OPN3: variants seen among roughly 807,000 people sequenced by gnomAD.
The protein encoded by OPN3 is opsin-3.
OPN3 carries 29 observed loss-of-function variants against 33.8 expected under a neutral mutation model. That is an observed-to-expected ratio of 0.86 (90% CI 0.64 to 1.17). The LOEUF (loss-of-function observed/expected upper bound fraction) is 1.17, where lower values mean the gene tolerates loss of function less well. OPN3 is among the 50% of genes most tolerant of loss of function. The pLI is 0.00. For missense variants in OPN3, 437 were observed against 514.1 expected, an observed-to-expected ratio of 0.85 and a Z score of 1.45; for synonymous variants, 216 against 216.1, an observed-to-expected ratio of 1.00 and a Z score of 0.00.
intron 1 of OPN3, chr1:241,628,856 T>G (rs918146150): frequency 1.3e-5 from 2 of 152,542 alleles, no homozygotes; most frequent in African/African-American, 4.8e-5. Context: ...ACCAGTTCAG[T>G]AAACCACTTT....
At chr1:241,635,189 T>A in intron 1 of OPN3, 1 of 1,613,180 alleles carries the variant, frequency 6.2e-7, no homozygotes, top group Non-Finnish European at 8.5e-7. Context: ...TCCATCTTTA[T>A]CTGAAACTGT....
intron 1 of OPN3, among the ~76,000 whole-genome samples, chr1:241,615,452 A>G (rs1441453572): frequency 1.3e-5 from 2 of 152,006 alleles, no homozygotes; most frequent in Non-Finnish European, 2.9e-5. Flanking sequence ...CACTTTAGGA[A>G]CACATTGTTT....
intron 2 of OPN3, chr1:241,600,980 G>A (rs1215041447): frequency 6.6e-6 from 1 of 152,168 alleles, no homozygotes; most frequent in Non-Finnish European, 1.5e-5. Context: ...GGTTCTGAGG[G>A]TGGGTTAGAG....
Position 241,640,153 on chromosome 1 carries a change from G to C in OPN3, c.102C>G (p.Pro34=). The change falls in exon 1 of 4, where the codon CCC becomes CCG. Residue 34 remains proline, a synonymous_variant. Transcript: ENST00000366554. ...GCTCGTAGGTGCCGGGGCTGAAGAG[G>C]GGCGCGGGGCTCAGTGTCCCCGCCG... ...PAPAGTLSPA[P]LFSPGTYERL... The C allele has an allele frequency of 6.6e-7, 1 of 1,525,218 alleles. No homozygotes were observed. The highest frequency in any genetic ancestry group is 8.8e-7 in the Non-Finnish European group (1 of 1,139,188). The allele number at this position is 1,525,218 out of a possible 1,614,324, so 94.5% of individuals were successfully genotyped here. A position where few individuals can be genotyped will look rare whatever the true frequency, so the allele number is the denominator to read the frequency against.
chr1:241,597,705 T>C, intron 3 of OPN3, 41 bp downstream of exon 3: 1 of 1,595,872 alleles, frequency 6.3e-7, no homozygotes, highest in Non-Finnish European at 8.6e-7. Flanking sequence ...TTTCCAACTC[T>C]ATGCCCAGGG....
chr1:241,614,457 A>G (rs1371735848), intron 1 of OPN3, among the ~76,000 whole-genome samples: 1 of 152,150 alleles, frequency 6.6e-6, no homozygotes, highest in Non-Finnish European at 1.5e-5. Context: ...TTTCTATTAA[A>G]TTTAGTGACT....
intron 1 of OPN3, among the ~76,000 whole-genome samples, chr1:241,623,146 G>A (rs1338702763): frequency 6.6e-6 from 1 of 151,958 alleles, no homozygotes; most frequent in Non-Finnish European, 1.5e-5. Flanking sequence ...GACTAATCCA[G>A]GGGTGGGAGT....
At position 241,625,071 on chromosome 1, in the gene OPN3, G is replaced by A. The variant is rs1664379215; in HGVS notation, c.373+14811C>T. On this transcript the variant is annotated intron_variant, in intron 1 of 3. Transcript: ENST00000366554. Reference sequence around the variant, plus strand: ...AGTCTAGCACAGAAACTGGGACACGGTTCATGCTCAATAAATATTACATTG... The same window carrying A: ...AGTCTAGCACAGAAACTGGGACACGATTCATGCTCAATAAATATTACATTG... Among the ~76,000 whole-genome samples the A allele has an allele frequency of 2.0e-5, 3 of 152,310 alleles. No homozygotes were observed. The South Asian group carries it at 6.2e-4, about 32-fold the overall frequency.
Position 241,594,285 on chromosome 1 carries a change from G to T in OPN3, c.*143C>A. The stretch of plus-strand genomic sequence containing the variant: ...TTCAACCTCTTCCTGAGGCCCAAGA[G>T]CATATGGGCAATTCGGATTTCCTGC... On this transcript the variant is annotated 3_prime_UTR_variant, in exon 4 of 4. Transcript: ENST00000366554. 2 of 878,384 alleles carry T rather than the reference G, an allele frequency of 2.3e-6. No homozygotes were observed. The highest frequency in any genetic ancestry group is 3.5e-6 in the Non-Finnish European group (2 of 574,348). The allele number at this position is 878,384 out of a possible 1,614,324, so 54.4% of individuals were successfully genotyped here. A position where few individuals can be genotyped will look rare whatever the true frequency, so the allele number is the denominator to read the frequency against.
intron 1 of OPN3, among the ~76,000 whole-genome samples, chr1:241,625,655 G>C (rs1664399024): frequency 6.6e-6 from 1 of 152,176 alleles, no homozygotes; most frequent in Non-Finnish European, 1.5e-5. Context: ...ATTGGCGAGG[G>C]AAGGTAGCGG....
Position 241,593,735 on chromosome 1 carries a change from C to G in OPN3, c.*693G>C, listed in dbSNP as rs1446652911. 1.3e-5 allele frequency: 2 copies of G among 154,648 alleles called. No homozygotes were observed. The highest frequency in any genetic ancestry group is 4.8e-5 in the African/African-American group (2 of 41,436). The allele number at this position is 154,648 out of a possible 1,614,324, so 9.6% of individuals were successfully genotyped here. A position where few individuals can be genotyped will look rare whatever the true frequency, so the allele number is the denominator to read the frequency against. On this transcript the variant is annotated 3_prime_UTR_variant, in exon 4 of 4. Transcript: ENST00000366554. The stretch of plus-strand genomic sequence containing the variant: ...TGGCTTATATAGCATCGACAAAGAA[C>G]AGTAAATTTTTAGAGAAACAACAAA...
Position 241,594,401 on chromosome 1 carries a change from C to G in OPN3, c.*27G>C. On this transcript the variant is annotated 3_prime_UTR_variant, in exon 4 of 4. Coordinates refer to ENST00000366554, the MANE Select transcript of OPN3 (RefSeq NM_014322.3). ...CCAAAAGTGGCATCCAATTTAAGGC[C>G]CCATCTTTCGTTGCCATTCTTCATT... The G allele has an allele frequency of 2.5e-6, 4 of 1,601,066 alleles. No individual in the cohort carries two copies. The highest frequency in any genetic ancestry group is 3.4e-6 in the Non-Finnish European group (4 of 1,171,900).
At chr1:241,623,078 AAAAAAAC>A (rs932243166) in intron 1 of OPN3, among the ~76,000 whole-genome samples, 5 of 129,620 alleles carry the variant, frequency 3.9e-5, no homozygotes, top group African/African-American at 1.3e-4. Context: ...TAGAAATCTT[AAAAAAAC>A]AAAAAACAAA....
intron 1 of OPN3, among the ~76,000 whole-genome samples, chr1:241,611,645 G>A (rs1041604627): frequency 3.9e-5 from 6 of 152,146 alleles, no homozygotes; most frequent in Non-Finnish European, 8.8e-5. Flanking sequence ...ATGGTAGGAC[G>A]GAGTTCTAAA....
chr1:241,595,667 GTTTTT>G (rs1208524819), intron 3 of OPN3: 1 of 152,046 alleles, frequency 6.6e-6, no homozygotes, highest in South Asian at 2.1e-4. Flanking sequence ...TTTTTTGTTT[GTTTTT>G]TGTTTTGTTT....
chr1:241,610,647 G>T (rs1663965936), intron 1 of OPN3, among the ~76,000 whole-genome samples: 1 of 152,200 alleles, frequency 6.6e-6, no homozygotes, highest in African/African-American at 2.4e-5. Flanking sequence ...GTCAGGCACT[G>T]TGCTAGACAA....
intron 3 of OPN3, 191 bp from the exon 4 acceptor site, chr1:241,594,882 A>T (rs766201212): frequency 2.8e-4 from 171 of 605,920 alleles, no homozygotes; most frequent in Non-Finnish European, 4.6e-4. Context: ...ATTCATTCTA[A>T]TTCTTATTAA....
At chr1:241,619,155 T>C (rs1326029265) in intron 1 of OPN3, among the ~76,000 whole-genome samples, 1 of 152,182 alleles carries the variant, frequency 6.6e-6, no homozygotes, top group Non-Finnish European at 1.5e-5. Flanking sequence ...AACCTTCTGG[T>C]TGTTTCATAC....
At chr1:241,618,215 CT>C (rs1664186353) in intron 1 of OPN3, among the ~76,000 whole-genome samples, 1 of 152,148 alleles carries the variant, frequency 6.6e-6, no homozygotes, top group South Asian at 2.1e-4. Context: ...AATTTAACAC[CT>C]TCTGGATCAG....
Sources: gnomAD v4.1 joint callset for allele counts (sites outside exome capture counted in the v4.1 genomes callset) on GRCh38, gnomAD v4.1.1 for gene constraint, MANE v1.5 for transcripts, NCBI Gene and HGNC (gene_info 2026-07-23, HGNC 2026-07-21) for gene names.